AKAP19: variants seen among roughly 807,000 people sequenced by gnomAD.
The protein encoded by AKAP19 is small A-kinase anchoring protein.
chr2:190,035,952 T>TCCA, the AKAP19 span, among the ~76,000 whole-genome samples: 2 of 152,218 alleles, frequency 1.3e-5, no homozygotes, highest in Non-Finnish European at 1.5e-5. Context: ...TGCTAGATTA[T>TCCA]GTGATGGGTG....
chr2:190,191,620 T>C, the AKAP19 span, among the ~76,000 whole-genome samples: 2 of 152,360 alleles, frequency 1.3e-5, no homozygotes, highest in South Asian at 4.1e-4. Context: ...GCAGTTGCTC[T>C]GTATATGCAC....
the AKAP19 span, among the ~76,000 whole-genome samples, chr2:190,016,541 T>C: frequency 6.6e-6 from 1 of 152,226 alleles, no homozygotes; most frequent in African/African-American, 2.4e-5. Context: ...ACACAAAGCC[T>C]AATCATATCA....
the AKAP19 span, among the ~76,000 whole-genome samples, chr2:190,116,565 G>T: frequency 2.2e-4 from 33 of 152,130 alleles, no homozygotes; most frequent in South Asian, 4.2e-4. Context: ...TATCCCAGTT[G>T]TAGCCTGCTA....
the AKAP19 span, among the ~76,000 whole-genome samples, chr2:190,046,142 A>C: frequency 6.6e-6 from 1 of 151,376 alleles, no homozygotes; most frequent in Non-Finnish European, 1.5e-5. Context: ...TCCCAGCGTG[A>C]GTACCTGGAT....
At chr2:190,156,139 T>C in the AKAP19 span, among the ~76,000 whole-genome samples, 1 of 152,056 alleles carries the variant, frequency 6.6e-6, no homozygotes, top group South Asian at 2.1e-4. Context: ...GTCAGAAGAA[T>C]AGAATAGAGG....
At chr2:190,045,639 C>T in the AKAP19 span, among the ~76,000 whole-genome samples, 8 of 152,184 alleles carry the variant, frequency 5.3e-5, no homozygotes, top group Admixed American at 1.3e-4. Flanking sequence ...ACTCCAAGAG[C>T]GCCTTCTAAG....
chr2:190,143,040 G>C, the AKAP19 span, among the ~76,000 whole-genome samples: 1,783 of 152,074 alleles, frequency 0.012, 15 homozygotes, highest in Middle Eastern at 0.054. Context: ...AACTGTCATG[G>C]CACTGGGGGG....
chr2:190,159,509 G>A, the AKAP19 span, among the ~76,000 whole-genome samples: 23 of 152,226 alleles, frequency 1.5e-4, no homozygotes, highest in African/African-American at 4.8e-4. Context: ...CTTGGGATGC[G>A]GACTGCTAGA....
the AKAP19 span, among the ~76,000 whole-genome samples, chr2:189,995,892 T>C: frequency 3.3e-5 from 5 of 152,198 alleles, no homozygotes; most frequent in African/African-American, 1.2e-4. Context: ...TGGCTGACAA[T>C]TATTTTGTTT....
At chr2:190,069,622 G>A in the AKAP19 span, among the ~76,000 whole-genome samples, 7 of 152,094 alleles carry the variant, frequency 4.6e-5, no homozygotes, top group Admixed American at 6.5e-5. Flanking sequence ...ATTGCCTAAA[G>A]CGTAGTTTTC....
At chr2:190,093,432 CA>C in the AKAP19 span, among the ~76,000 whole-genome samples, 110,024 of 146,772 alleles carry the variant, frequency 0.75, 41,157 homozygotes, top group South Asian at 0.86. Flanking sequence ...GACTCTGTCT[CA>C]AAAAAAAAAG....
At chr2:189,983,586 G>C in the AKAP19 span, among the ~76,000 whole-genome samples, 1 of 152,214 alleles carries the variant, frequency 6.6e-6, no homozygotes, top group Non-Finnish European at 1.5e-5. Context: ...CCCAGGCATA[G>C]GTGCTGCCCA....
chr2:190,010,071 A>T, the AKAP19 span, among the ~76,000 whole-genome samples: 2 of 152,218 alleles, frequency 1.3e-5, no homozygotes, highest in Non-Finnish European at 2.9e-5. Flanking sequence ...CACCATGCTC[A>T]TGTGTTGACA....
the AKAP19 span, among the ~76,000 whole-genome samples, chr2:190,053,367 C>T: frequency 5.3e-5 from 8 of 151,926 alleles, no homozygotes; most frequent in Admixed American, 3.9e-4. Context: ...TTAAATATTC[C>T]TTCTGTCTAG....
chr2:189,949,133 T>C, the AKAP19 span, among the ~76,000 whole-genome samples: 1 of 152,120 alleles, frequency 6.6e-6, no homozygotes, highest in African/African-American at 2.4e-5. Context: ...CACAATCCTG[T>C]GAAAACCAAG....
At chr2:189,942,024 T>C in the AKAP19 span, among the ~76,000 whole-genome samples, 1 of 152,028 alleles carries the variant, frequency 6.6e-6, no homozygotes, top group Non-Finnish European at 1.5e-5. Context: ...TAAATTTAGA[T>C]AAAATAGACT....
the AKAP19 span, among the ~76,000 whole-genome samples, chr2:190,199,117 A>C: frequency 6.6e-6 from 1 of 152,232 alleles, no homozygotes; most frequent in Non-Finnish European, 1.5e-5. Context: ...CCAGACTCTA[A>C]CAGTAGTCCA....
At chr2:190,148,069 A>G in the AKAP19 span, among the ~76,000 whole-genome samples, 2 of 152,122 alleles carry the variant, frequency 1.3e-5, no homozygotes, top group African/African-American at 2.4e-5. Context: ...GAGGGTGGGC[A>G]TCCTTGTCTT....
At chr2:190,048,561 C>A in the AKAP19 span, among the ~76,000 whole-genome samples, 53 of 152,298 alleles carry the variant, frequency 3.5e-4, no homozygotes, top group Non-Finnish European at 6.6e-4. Context: ...ACCATCCCCC[C>A]ACGTACAACT....
Sources: allele counts gnomAD v4.1 joint callset (sites outside exome capture counted in the v4.1 genomes callset), GRCh38; gene constraint gnomAD v4.1.1; transcripts MANE v1.5; gene names NCBI Gene and HGNC (gene_info 2026-07-23, HGNC 2026-07-21).